CAPN14: variants seen among roughly 807,000 people sequenced by gnomAD.
The protein encoded by CAPN14 is calpain 14.
In CAPN14, 94 loss-of-function variants were observed where a neutral mutation model predicts 101.3. That is an observed-to-expected ratio of 0.93 (90% confidence interval 0.79 to 1.10). The LOEUF (loss-of-function observed/expected upper bound fraction) is 1.10. Among genes scored for constraint, CAPN14 ranks in the 50% least tolerant of loss-of-function variants. The pLI is 0.00. For synonymous variants in CAPN14, 338 were observed against 317.9 expected, an observed-to-expected ratio of 1.06 and a Z score of -0.67; for missense variants, 837 against 828.4, an observed-to-expected ratio of 1.01 and a Z score of -0.13.
chr2:31,190,163 C>CTCTCTCTCTT (rs1347179072), intron 12 of CAPN14, among the ~76,000 whole-genome samples: 2 of 151,822 alleles, frequency 1.3e-5, no homozygotes, highest in African/African-American at 4.8e-5. Context: ...CTCTCTCTCT[C>CTCTCTCTCTT]TCTCTGCCTC....
Position 31,192,201 on chromosome 2 carries a change from T to C in CAPN14, c.1115-103A>G, listed in dbSNP as rs927852157. 41 of 1,322,176 alleles carry C rather than the reference T, an allele frequency of 3.1e-5. No individual in the cohort carries two copies. In the East Asian group the frequency reaches 4.7e-4, roughly 15 times the overall value. The allele number at this position is 1,322,176 out of a possible 1,614,324, so 81.9% of individuals were successfully genotyped here. A position where few individuals can be genotyped will look rare whatever the true frequency, so the allele number is the denominator to read the frequency against. ...CAGTCTGAGGACGCCTCTGCCAGGA[T>C]TGACACCCTGAGGCCCACTGGGACA... On this transcript the variant is annotated intron_variant, in intron 10 of 21. Coordinates refer to ENST00000403897, the MANE Select transcript of CAPN14 (RefSeq NM_001145122.2).
At chr2:31,225,404 G>A (rs1682992121) in intron 2 of CAPN14, among the ~76,000 whole-genome samples, 2 of 152,010 alleles carry the variant, frequency 1.3e-5, no homozygotes, top group South Asian at 4.1e-4. Context: ...TATCATTGTG[G>A]TAAGTATATA....
intron 1 of CAPN14, among the ~76,000 whole-genome samples, chr2:31,232,135 G>A (rs115017379): frequency 0.016 from 2,377 of 152,282 alleles, 57 homozygotes; most frequent in African/African-American, 0.053. Flanking sequence ...AGCTCCTGCA[G>A]GCACTTCAAA....
At chr2:31,201,268 T>C (rs113270322) in intron 5 of CAPN14, among the ~76,000 whole-genome samples, 2 of 152,026 alleles carry the variant, frequency 1.3e-5, no homozygotes, top group African/African-American at 4.8e-5. Flanking sequence ...CGTGTGTGTG[T>C]GCACTCCATA....
At chr2:31,200,185 A>C (rs922929019) in intron 6 of CAPN14, among the ~76,000 whole-genome samples, 2 of 152,070 alleles carry the variant, frequency 1.3e-5, no homozygotes, top group African/African-American at 4.8e-5. Flanking sequence ...TGCATTTTTC[A>C]GCAGAGACGG....
intron 1 of CAPN14, among the ~76,000 whole-genome samples, chr2:31,228,801 G>C (rs1683101835): frequency 6.6e-6 from 1 of 152,050 alleles, no homozygotes; most frequent in African/African-American, 2.4e-5. Context: ...CAGAGACCAG[G>C]GTGCTAAGGC....
At chr2:31,222,981 T>C (rs1423696931) in intron 2 of CAPN14, among the ~76,000 whole-genome samples, 1 of 152,168 alleles carries the variant, frequency 6.6e-6, no homozygotes, top group East Asian at 1.9e-4. Context: ...CTGCCAACTT[T>C]CCGCCATGTG....
chr2:31,205,148 A>G (rs1682002906), intron 2 of CAPN14, 75 bp downstream of exon 2: 1 of 1,307,894 alleles, frequency 7.6e-7, no homozygotes, highest in Non-Finnish European at 1.1e-6. Flanking sequence ...TTTTTCTCCC[A>G]TATATCTTAG....
At position 31,193,118 on chromosome 2, in the gene CAPN14, T is replaced by C. The variant is rs542177105; in HGVS notation, c.1114+13A>G. 405 of 1,547,508 alleles carry C rather than the reference T, an allele frequency of 2.6e-4. 4 individuals carry two copies. The South Asian group carries it at 4.4e-3, about 17-fold the overall frequency. On this transcript the variant is annotated intron_variant, in intron 10 of 21. Transcript: ENST00000403897. ...CCTCACCCTGAGAGCCCTGCTCCTGTGCACATGCTCACCCTGCAGCAACTG... is the reference window on the plus strand; with the variant it reads ...CCTCACCCTGAGAGCCCTGCTCCTGCGCACATGCTCACCCTGCAGCAACTG...
intron 16 of CAPN14, 41 bp from the exon 17 acceptor site, chr2:31,181,041 G>T: frequency 2.7e-6 from 4 of 1,501,192 alleles, no homozygotes; most frequent in Non-Finnish European, 3.6e-6. Flanking sequence ...GCTGGCCCCA[G>T]GTCTGCACAC....
intron 16 of CAPN14, 137 bp from the exon 17 acceptor site, chr2:31,181,137 G>C: frequency 1.5e-6 from 1 of 662,430 alleles, no homozygotes; most frequent in Non-Finnish European, 2.7e-6. Context: ...AGTGAGAATG[G>C]AAGACAGTAG....
intron 8 of CAPN14, 95 bp downstream of exon 8, chr2:31,197,154 C>T: frequency 2.4e-6 from 2 of 823,500 alleles, no homozygotes; most frequent in South Asian, 1.6e-5. Flanking sequence ...CAGCCTAAGA[C>T]CAAAGAAAGC....
At chr2:31,197,582 T>C (rs1447479037) in intron 7 of CAPN14, among the ~76,000 whole-genome samples, 1 of 152,226 alleles carries the variant, frequency 6.6e-6, no homozygotes, top group Non-Finnish European at 1.5e-5. Flanking sequence ...CCTATGATAG[T>C]GGGTTGAATG....
intron 16 of CAPN14, among the ~76,000 whole-genome samples, chr2:31,181,491 CTCTT>C (rs1388220019): frequency 1.6e-5 from 2 of 121,790 alleles, no homozygotes; most frequent in African/African-American, 6.6e-5. Context: ...CTCTCTCTCT[CTCTT>C]TCCTTTCTTT....
intron 8 of CAPN14, among the ~76,000 whole-genome samples, chr2:31,196,764 T>C (rs1034315551): frequency 5.3e-5 from 8 of 152,174 alleles, no homozygotes; most frequent in African/African-American, 1.9e-4. Flanking sequence ...GAGGCTACTA[T>C]ATGTAATCAG....
At chr2:31,191,532 A>G in intron 11 of CAPN14, 125 bp from the exon 12 acceptor site, 5 of 876,080 alleles carry the variant, frequency 5.7e-6, no homozygotes, top group Non-Finnish European at 8.6e-6. Context: ...GGCTCTACCC[A>G]GAAGCCGTGT....
intron 21 of CAPN14, 72 bp downstream of exon 21, chr2:31,176,515 A>C: frequency 8.1e-7 from 1 of 1,227,128 alleles, no homozygotes; most frequent in Non-Finnish European, 1.2e-6. Context: ...CTTCTCCTTC[A>C]CAAGAGCATG....
upstream of CAPN14, among the ~76,000 whole-genome samples, chr2:31,217,789 T>C (rs2148703999): frequency 6.6e-6 from 1 of 152,246 alleles, no homozygotes; most frequent in Non-Finnish European, 1.5e-5. Context: ...CTTTCAGGTG[T>C]GACCTAGAAA....
intron 16 of CAPN14, among the ~76,000 whole-genome samples, chr2:31,182,228 A>G (rs1013607766): frequency 3.3e-5 from 5 of 151,264 alleles, no homozygotes; most frequent in African/African-American, 1.2e-4. Flanking sequence ...AGCCAATATC[A>G]TACTGAATGG....
Sources: allele counts gnomAD v4.1 joint callset (sites outside exome capture counted in the v4.1 genomes callset), GRCh38; gene constraint gnomAD v4.1.1; transcripts MANE v1.5; gene names NCBI Gene and HGNC (gene_info 2026-07-23, HGNC 2026-07-21).